Variants in TTC3 observed in about 807,000 individuals in gnomAD.
TTC3 encodes tetratricopeptide repeat domain 3.
Under a neutral mutation model 249.6 loss-of-function variants are expected in TTC3, and 180 were observed. The ratio of observed to expected loss-of-function variants is 0.72; its 90% CI spans 0.64 to 0.82. The LOEUF is 0.82. Among genes scored for constraint, TTC3 ranks in the 40% least tolerant of loss-of-function variants. TTC3 has a pLI of 0.00. For synonymous variants in TTC3, 717 were observed against 805.0 expected, an observed-to-expected ratio of 0.89 and a Z score of 1.85; for missense variants, 2,061 against 2,398.4, an observed-to-expected ratio of 0.86 and a Z score of 2.94.
At chr21:37,115,539 G>T (rs561519860) in intron 11 of TTC3, among the ~76,000 whole-genome samples, 1 of 152,180 alleles carries the variant, frequency 6.6e-6, no homozygotes, top group African/African-American at 2.4e-5. Flanking sequence ...CACATGGTTT[G>T]ATATGCAAGG....
At chr21:37,185,815 T>A (rs781682082) in intron 37 of TTC3, 41 bp downstream of exon 37, 43 of 1,275,176 alleles carry the variant, frequency 3.4e-5, no homozygotes, top group Non-Finnish European at 4.4e-5. Context: ...ATTTTAATAC[T>A]TTTAATGCCA....
chr21:37,150,124 T>C, exon 24 of TTC3: 1 of 1,613,508 alleles, frequency 6.2e-7, no homozygotes, highest in South Asian at 1.1e-5. Flanking sequence ...GAAGGTGTCA[T>C]TTCTAAGATT....
At position 37,197,989 on chromosome 21, in the gene TTC3, C is replaced by G. The variant is rs771388886; in HGVS notation, c.5814C>G (p.Thr1938=). ...TGGTTGTTGCACCATCACCCAAAAC[C>G]AAGGGGCAGAAAGCAGAAGATGTCC... The change falls in exon 44 of 46, where the codon ACC becomes ACG. Residue 1938 remains threonine, a synonymous_variant. Coordinates refer to ENST00000355666, the Ensembl canonical transcript of TTC3. 19 of 1,613,628 alleles carry G rather than the reference C, an allele frequency of 1.2e-5. No homozygotes were observed. In the African/African-American group the frequency reaches 2.3e-4, roughly 19 times the overall value.
chr21:37,191,881 G>C (rs150415343), intron 40 of TTC3, among the ~76,000 whole-genome samples: 3 of 152,246 alleles, frequency 2.0e-5, no homozygotes, highest in East Asian at 3.9e-4. Flanking sequence ...GAGCCACCGC[G>C]CCCAGCCGGA....
At chr21:37,112,354 G>A (rs1038827869) in intron 11 of TTC3, among the ~76,000 whole-genome samples, 12 of 152,264 alleles carry the variant, frequency 7.9e-5, no homozygotes, top group Admixed American at 1.3e-4. Flanking sequence ...CATGACAAAG[G>A]GGGGATCATC....
chr21:37,179,130 A>G (rs1460730651), intron 35 of TTC3, among the ~76,000 whole-genome samples: 1 of 152,098 alleles, frequency 6.6e-6, no homozygotes, highest in Admixed American at 6.5e-5. Context: ...AAAAAATTAA[A>G]TAAATAATTA....
At chr21:37,174,961 A>G (rs1255160586) in intron 35 of TTC3, among the ~76,000 whole-genome samples, 1 of 152,114 alleles carries the variant, frequency 6.6e-6, no homozygotes, top group Non-Finnish European at 1.5e-5. Context: ...CACTTTAAGA[A>G]TACTTAGCAT....
At chr21:37,091,199 A>T (rs1032668591) in intron 6 of TTC3, 94 bp from the exon 7 acceptor site, 1 of 1,361,018 alleles carries the variant, frequency 7.3e-7, no homozygotes, top group Non-Finnish European at 1.0e-6. Context: ...TGTAGTAAGG[A>T]TCTGAAATAC....
rs545715266 is a variant in TTC3 at position 37,144,060 on chromosome 21, A to G, written c.1773-465A>G. On this transcript the variant is annotated intron_variant, in intron 20 of 45. Transcript: ENST00000355666. The stretch of plus-strand genomic sequence containing the variant: ...TTGAACAATGAGAACACATGGACAC[A>G]GGAAGGGGAACATCACACACTGGGG... 3.0e-3 allele frequency among the ~76,000 whole-genome samples: 457 copies of G among 151,850 alleles called. 2 individuals are homozygous for G. Among genetic ancestry groups the G allele is most frequent in the Non-Finnish European group, 5.0e-3 (340 of 67,972 alleles).
chr21:37,192,491 T>TGTGTGTGTGTG (rs2084279228), intron 41 of TTC3, among the ~76,000 whole-genome samples: 1 of 140,598 alleles, frequency 7.1e-6, no homozygotes, highest in Admixed American at 7.1e-5. Flanking sequence ...TCTTCTATCT[T>TGTGTGTGTGTG]TGTGTGTGTG....
intron 10 of TTC3, among the ~76,000 whole-genome samples, chr21:37,099,641 A>ATT (rs1218562237): frequency 6.6e-6 from 1 of 152,244 alleles, no homozygotes; most frequent in African/African-American, 2.4e-5. Context: ...AAAGCTTAAA[A>ATT]ATCTCATAAT....
At chr21:37,114,059 A>G (rs944591201) in intron 11 of TTC3, among the ~76,000 whole-genome samples, 3 of 152,252 alleles carry the variant, frequency 2.0e-5, no homozygotes, top group Non-Finnish European at 2.9e-5. Context: ...AAAGACTTCA[A>G]TGTTTGACTT....
intron 42 of TTC3, among the ~76,000 whole-genome samples, chr21:37,196,677 G>A (rs2084949298): frequency 6.6e-6 from 1 of 152,140 alleles, no homozygotes; most frequent in African/African-American, 2.4e-5. Flanking sequence ...ATCAATAAAT[G>A]AACGCAAAAC....
rs549193539 is a variant in TTC3, at chr21:37,095,565, A to G, written c.782+121A>G. On this transcript the variant is annotated intron_variant, in intron 9 of 45. Coordinates refer to ENST00000355666, the Ensembl canonical transcript of TTC3. ...GTATCTTCCAACTTGTGCAGAATAG[A>G]TTTTCTCATCCTTGGGTGTTGGAAG... 2.0e-4 allele frequency: 131 copies of G among 641,626 alleles called. 2 individuals carry two copies. The East Asian group carries it at 3.9e-3, about 19-fold the overall frequency. The allele number at this position is 641,626 out of a possible 1,614,324, so 39.7% of individuals were successfully genotyped here. A position where few individuals can be genotyped will look rare whatever the true frequency, so the allele number is the denominator to read the frequency against.
At chr21:37,130,774 C>G (rs1418349654) in intron 16 of TTC3, among the ~76,000 whole-genome samples, 3 of 146,964 alleles carry the variant, frequency 2.0e-5, no homozygotes, top group African/African-American at 7.7e-5. Flanking sequence ...ACTTTCTATC[C>G]CTCTATCCAT....
At chr21:37,129,484 A>G (rs1009143287) in intron 16 of TTC3, among the ~76,000 whole-genome samples, 1 of 152,240 alleles carries the variant, frequency 6.6e-6, no homozygotes, top group Non-Finnish European at 1.5e-5. Flanking sequence ...CTTACTCTGC[A>G]TACGCAGACA....
chr21:37,078,547 A>G (rs1468525211), intron 1 of TTC3, among the ~76,000 whole-genome samples: 4 of 152,094 alleles, frequency 2.6e-5, no homozygotes, highest in African/African-American at 9.7e-5. Context: ...TTGCTATTAT[A>G]AATGGTGGTG....
intron 11 of TTC3, among the ~76,000 whole-genome samples, chr21:37,120,774 T>C (rs767775634): frequency 3.9e-5 from 6 of 152,212 alleles, no homozygotes; most frequent in Non-Finnish European, 8.8e-5. Flanking sequence ...CCCACGTAAT[T>C]GTTTCTGGCT....
chr21:37,108,613 C>T (rs1056047221), intron 11 of TTC3, among the ~76,000 whole-genome samples, 167 bp downstream of exon 11: 1 of 152,120 alleles, frequency 6.6e-6, no homozygotes, highest in Non-Finnish European at 1.5e-5. Context: ...GACCCAGCCA[C>T]AGCACTGACA....
Sources: gnomAD v4.1 joint callset for allele counts (sites outside exome capture counted in the v4.1 genomes callset) on GRCh38, gnomAD v4.1.1 for gene constraint, MANE v1.5 for transcripts, NCBI Gene and HGNC (gene_info 2026-07-23, HGNC 2026-07-21) for gene names.